PALLD: variants seen among roughly 807,000 people sequenced by gnomAD.
PALLD encodes the protein palladin.
PALLD carries 61 observed loss-of-function variants against 123.5 expected under a neutral mutation model. The observed-to-expected ratio is 0.49, with a 90% CI of 0.40 to 0.61. The LOEUF (loss-of-function observed/expected upper bound fraction) is 0.61. Ranked by LOEUF, PALLD falls within the 20% of genes least tolerant of loss-of-function variation. The pLI is 0.00. For synonymous variants in PALLD, 465 were observed against 496.4 expected (o/e 0.94, Z 0.84); for missense variants, 1,273 against 1,377.0 (o/e 0.92, Z 1.20).
intron 2 of PALLD, among the ~76,000 whole-genome samples, chr4:168,595,073 T>G (rs1771841541): frequency 6.6e-6 from 1 of 152,170 alleles, no homozygotes; most frequent in African/African-American, 2.4e-5. Context: ...GATAAATGAC[T>G]AATCCAAAAG....
Position 168,691,264 on chromosome 4 carries a change from A to T in PALLD, c.1478-5A>T. 6.2e-7 allele frequency: 1 copy of T among 1,609,804 alleles called. No homozygotes were observed. Among genetic ancestry groups the T allele is most frequent in the Non-Finnish European group, 8.5e-7 (1 of 1,176,756 alleles). ...TCTAATTTATTTTTTTCATGTGGCAAACAGAACCTAGATCTACAGCTGAAC... is the reference window on the plus strand; with the variant it reads ...TCTAATTTATTTTTTTCATGTGGCATACAGAACCTAGATCTACAGCTGAAC... On this transcript the variant is annotated splice_polypyrimidine_tract_variant and splice_region_variant and intron_variant, in intron 7 of 21. Transcript: ENST00000505667.
At chr4:168,826,348 G>C (rs1743417344) in intron 10 of PALLD, among the ~76,000 whole-genome samples, 1 of 152,168 alleles carries the variant, frequency 6.6e-6, no homozygotes, top group African/African-American at 2.4e-5. Flanking sequence ...AATGGATGGT[G>C]AATGCACTTT....
intron 2 of PALLD, among the ~76,000 whole-genome samples, chr4:168,517,120 T>C (rs963443736): frequency 7.9e-5 from 12 of 152,318 alleles, no homozygotes; most frequent in African/African-American, 2.9e-4. Context: ...ACACAGGGAC[T>C]GGGACATGGG....
At chr4:168,537,411 T>C (rs1173763887) in intron 2 of PALLD, among the ~76,000 whole-genome samples, 1 of 152,262 alleles carries the variant, frequency 6.6e-6, no homozygotes, top group Non-Finnish European at 1.5e-5. Flanking sequence ...AATTTTCACT[T>C]AGCAGTTCTA....
intron 2 of PALLD, among the ~76,000 whole-genome samples, chr4:168,666,653 A>T (rs1779688375): frequency 1.3e-5 from 2 of 152,336 alleles, no homozygotes; most frequent in South Asian, 4.1e-4. Context: ...GCCAAGTTAT[A>T]TGAAAACCCA....
chr4:168,595,744 A>G (rs1771913195), intron 2 of PALLD, among the ~76,000 whole-genome samples: 1 of 152,144 alleles, frequency 6.6e-6, no homozygotes, highest in African/African-American at 2.4e-5. Context: ...CCTAAAAATA[A>G]AAATCTGGCC....
chr4:168,759,776 T>C (rs1200741207), intron 10 of PALLD, among the ~76,000 whole-genome samples: 1 of 152,158 alleles, frequency 6.6e-6, no homozygotes, highest in Non-Finnish European at 1.5e-5. Flanking sequence ...TATTTCCTGC[T>C]GGGCATGGTG....
chr4:168,550,004 G>A (rs1443607803), intron 2 of PALLD, among the ~76,000 whole-genome samples: 1 of 152,120 alleles, frequency 6.6e-6, no homozygotes, highest in Non-Finnish European at 1.5e-5. Flanking sequence ...CAACATCTTT[G>A]AGTAATCATT....
chr4:168,865,992 T>A (rs1560818938), intron 10 of PALLD, among the ~76,000 whole-genome samples: 1 of 151,904 alleles, frequency 6.6e-6, no homozygotes, highest in Non-Finnish European at 1.5e-5. Context: ...AAAACAAAGC[T>A]ATTTAGGCCA....
chr4:168,909,842 A>G (rs1462748813), intron 15 of PALLD, among the ~76,000 whole-genome samples: 1 of 152,180 alleles, frequency 6.6e-6, no homozygotes, highest in Non-Finnish European at 1.5e-5. Context: ...CATCTTTTCA[A>G]AAAAGCTTCA....
intron 10 of PALLD, among the ~76,000 whole-genome samples, chr4:168,819,354 TGTGTG>T (rs1742399238): frequency 6.6e-6 from 1 of 151,550 alleles, no homozygotes; most frequent in African/African-American, 2.4e-5. Flanking sequence ...TGTGTGTGTG[TGTGTG>T]TGTGATTCCT....
chr4:168,562,766 G>A (rs960608953), intron 2 of PALLD, among the ~76,000 whole-genome samples: 5 of 152,290 alleles, frequency 3.3e-5, no homozygotes, highest in South Asian at 2.1e-4. Context: ...AAAGAATGGA[G>A]CCGTGTGGGG....
intron 8 of PALLD, among the ~76,000 whole-genome samples, chr4:168,694,535 A>G: frequency 6.7e-6 from 1 of 148,876 alleles, no homozygotes; most frequent in East Asian, 2.0e-4. Flanking sequence ...TTTTTTCTTT[A>G]CTCTTCTCTT....
rs565748168 is a variant in PALLD, at chr4:168,658,668, G to GA, written c.909-9512dup. Among the ~76,000 whole-genome samples the GA allele has an allele frequency of 7.8e-4, 114 of 146,042 alleles. 1 individual carries two copies. The highest frequency in any genetic ancestry group is 1.3e-3 in the Non-Finnish European group (86 of 66,100). The stretch of plus-strand genomic sequence containing the variant: ...CTAAGCTACCTCTCATGGTCAAAAA[G>GA]AAAAAAAAAAGGCAAGATAAAATCA... On this transcript the variant is annotated intron_variant, in intron 2 of 21. Transcript: ENST00000505667.
chr4:168,683,203 GAAATATTTTCT>G (rs1781725193), intron 5 of PALLD, 100 bp downstream of exon 5: 1 of 638,922 alleles, frequency 1.6e-6, no homozygotes, highest in Admixed American at 3.0e-5. Flanking sequence ...ATACTCCCTT[GAAATATTTTCT>G]AAGTGGACAC....
chr4:168,588,313 G>C (rs1410152443), intron 2 of PALLD, among the ~76,000 whole-genome samples: 1 of 152,110 alleles, frequency 6.6e-6, no homozygotes, highest in Non-Finnish European at 1.5e-5. Context: ...GGTTGGGAAA[G>C]AGAGGAGCAC....
At chr4:168,692,484 A>G (rs1782723019) in intron 8 of PALLD, among the ~76,000 whole-genome samples, 1 of 152,236 alleles carries the variant, frequency 6.6e-6, no homozygotes, top group South Asian at 2.1e-4. Context: ...ATAAAATTGC[A>G]TAATGCTACT....
At chr4:168,702,091 G>A (rs935876357) in intron 8 of PALLD, among the ~76,000 whole-genome samples, 4 of 152,066 alleles carry the variant, frequency 2.6e-5, no homozygotes, top group African/African-American at 4.8e-5. Flanking sequence ...TTTCAGCATC[G>A]GGAAACTCCA....
chr4:168,525,482 C>T lies in PALLD; in HGVS notation c.908+13070C>T, dbSNP rs1227902800. Reference sequence around the variant, plus strand: ...TGTTAGGTGTGCAGACAAGGAATGGCGTGCCTCAGTTTGGGGTCAGTTTCA... The same window carrying T: ...TGTTAGGTGTGCAGACAAGGAATGGTGTGCCTCAGTTTGGGGTCAGTTTCA... On this transcript the variant is annotated intron_variant, in intron 2 of 21. Transcript: ENST00000505667. Among the ~76,000 whole-genome samples the T allele has an allele frequency of 4.6e-5, 7 of 152,152 alleles. No individual in the cohort carries two copies. In the South Asian group the frequency reaches 6.2e-4, roughly 14 times the overall value.
Sources: allele counts gnomAD v4.1 joint callset (sites outside exome capture counted in the v4.1 genomes callset), GRCh38; gene constraint gnomAD v4.1.1; transcripts MANE v1.5; gene names NCBI Gene and HGNC (gene_info 2026-07-23, HGNC 2026-07-21).